IL1RAPL2: variants seen among roughly 807,000 people sequenced by gnomAD.
IL1RAPL2 encodes the protein X-linked interleukin-1 receptor accessory protein-like 2.
IL1RAPL2 carries 3 observed loss-of-function variants against 44.1 expected under a neutral mutation model. That is an observed-to-expected ratio of 0.07 (90% CI 0.03 to 0.18). The LOEUF is 0.18. Ranked by LOEUF, IL1RAPL2 falls within the 10% of genes least tolerant of loss-of-function variation. IL1RAPL2 has a pLI of 1.00. For synonymous variants in IL1RAPL2, 181 were observed against 178.8 expected (o/e 1.01, Z -0.10); for missense variants, 391 against 496.4 (o/e 0.79, Z 2.02).
chrX:105,507,656 T>C (rs1252808760), intron 6 of IL1RAPL2, among the ~76,000 whole-genome samples: 2 of 111,811 alleles, frequency 1.8e-5, no homozygotes. Context: ...TAGTGCTACA[T>C]TTATCAATCC....
At chrX:105,725,260 GT>G (rs1351505479) in intron 7 of IL1RAPL2, among the ~76,000 whole-genome samples, 1 of 111,525 alleles carries the variant, frequency 9.0e-6, no homozygotes, top group African/African-American at 3.3e-5. Flanking sequence ...CTATAAAACA[GT>G]TTACCAAATC....
intron 7 of IL1RAPL2, among the ~76,000 whole-genome samples, chrX:105,727,656 A>G (rs1051423778): frequency 5.4e-5 from 6 of 111,599 alleles, no homozygotes; most frequent in African/African-American, 1.6e-4. Context: ...GCCTGCTAAT[A>G]AAGTATTTAC....
At chrX:105,373,952 C>T (rs2035364853) in intron 5 of IL1RAPL2, among the ~76,000 whole-genome samples, 1 of 108,888 alleles carries the variant, frequency 9.2e-6, no homozygotes, top group African/African-American at 3.4e-5. Context: ...AACCCCGTCT[C>T]TACTAAAAAT....
At chrX:104,655,084 G>A (rs1156361131) in intron 1 of IL1RAPL2, among the ~76,000 whole-genome samples, 1 of 111,611 alleles carries the variant, frequency 9.0e-6, no homozygotes, top group African/African-American at 3.3e-5. Flanking sequence ...CTGAGATGAT[G>A]GGGTTTTCTA....
chrX:104,912,444 C>T (rs7054264), intron 2 of IL1RAPL2, among the ~76,000 whole-genome samples: 2,048 of 110,546 alleles, frequency 0.019, 48 homozygotes, highest in African/African-American at 0.063. Flanking sequence ...GCAATCCCAT[C>T]CTCTCCCTGG....
Position 105,554,067 on chromosome X carries a change from C to G in IL1RAPL2, c.772+69680C>G, listed in dbSNP as rs72618304. On this transcript the variant is annotated intron_variant, in intron 6 of 10. Coordinates refer to ENST00000372582, the MANE Select transcript of IL1RAPL2 (RefSeq NM_017416.2). ...TGTCTTACCTCTCCTCTTTGTAACA[C>G]ATTACTTGGAGCTGCCCCACACTCC... Among the ~76,000 whole-genome samples the G allele has an allele frequency of 1.1e-3, 122 of 112,787 alleles. 1 individual carries two copies. The East Asian group carries it at 0.03, about 28-fold the overall frequency.
At chrX:105,050,829 G>GA (rs1382633956) in intron 2 of IL1RAPL2, among the ~76,000 whole-genome samples, 15 of 112,512 alleles carry the variant, frequency 1.3e-4, no homozygotes, top group African/African-American at 4.8e-4. Context: ...AGGCCCTGGA[G>GA]AGGGTGGCTT....
At chrX:105,010,117 G>A (rs2031023943) in intron 2 of IL1RAPL2, among the ~76,000 whole-genome samples, 1 of 111,198 alleles carries the variant, frequency 9.0e-6, no homozygotes, top group Non-Finnish European at 1.9e-5. Flanking sequence ...TTTAAAAGCA[G>A]GTAGGGCTCA....
At chrX:105,100,617 G>A (rs1321817344) in intron 2 of IL1RAPL2, among the ~76,000 whole-genome samples, 2 of 111,880 alleles carry the variant, frequency 1.8e-5, no homozygotes, top group Non-Finnish European at 1.9e-5. Flanking sequence ...TGATAATGAT[G>A]ATCAAGAACA....
intron 3 of IL1RAPL2, among the ~76,000 whole-genome samples, chrX:105,215,259 A>G (rs1210833270): frequency 8.9e-6 from 1 of 112,180 alleles, no homozygotes; most frequent in African/African-American, 3.2e-5. Context: ...TAGACACAAT[A>G]AAAAATGATA....
chrX:105,617,147 T>C (rs143016086), intron 6 of IL1RAPL2, among the ~76,000 whole-genome samples: 105 of 111,540 alleles, frequency 9.4e-4, no homozygotes, highest in Middle Eastern at 4.6e-3. Flanking sequence ...TTGCAAATGT[T>C]TGTCTTTGGG....
At chrX:104,800,536 C>A (rs901999507) in intron 2 of IL1RAPL2, among the ~76,000 whole-genome samples, 15 of 112,000 alleles carry the variant, frequency 1.3e-4, no homozygotes, top group African/African-American at 4.9e-4. Flanking sequence ...ATGTACAATT[C>A]ATTTCCAATC....
intron 2 of IL1RAPL2, among the ~76,000 whole-genome samples, chrX:105,159,402 C>T (rs7884353): frequency 0.065 from 7,216 of 111,711 alleles, 578 homozygotes; most frequent in African/African-American, 0.22. Context: ...AGAAGTCTTT[C>T]CCCACCTCCT....
intron 2 of IL1RAPL2, among the ~76,000 whole-genome samples, chrX:105,067,152 G>C (rs1261867844): frequency 1.8e-5 from 2 of 111,937 alleles, no homozygotes; most frequent in Admixed American, 1.9e-4. Context: ...TAGGCTGGTT[G>C]TTCTTAACTG....
At chrX:104,713,047 T>A (rs996241023) in intron 2 of IL1RAPL2, among the ~76,000 whole-genome samples, 1 of 111,040 alleles carries the variant, frequency 9.0e-6, no homozygotes, top group African/African-American at 3.3e-5. Context: ...AATGCTGGTG[T>A]TTTAGGAGAC....
intron 2 of IL1RAPL2, among the ~76,000 whole-genome samples, chrX:105,149,776 A>G (rs762447649): frequency 7.2e-5 from 8 of 110,473 alleles, no homozygotes; most frequent in Non-Finnish European, 5.7e-5. Context: ...GGAGATTGCA[A>G]TGAGCCAAGA....
chrX:105,670,131 ATATATATATATATAT>A lies in IL1RAPL2; in HGVS notation c.773-47235_773-47221del, dbSNP rs1433964218. Among the ~76,000 whole-genome samples, 42 of 50,496 alleles carry A rather than the reference ATATATATATATATAT, an allele frequency of 8.3e-4. 3 individuals are homozygous for A. The highest frequency in any genetic ancestry group is 0.011 in the Middle Eastern group (1 of 94). 43.8% of individuals were successfully genotyped at this position (50,496 alleles called of 115,157 possible). On this transcript the variant is annotated intron_variant, in intron 6 of 10. Coordinates refer to ENST00000372582, the MANE Select transcript of IL1RAPL2 (RefSeq NM_017416.2). The stretch of plus-strand genomic sequence containing the variant: ...TATATATATATATATATATATATAT[ATATATATATATATAT>A]ATCTCCACCAGACCACACAGTCTTG...
chrX:105,150,686 C>T (rs754973261), intron 2 of IL1RAPL2, among the ~76,000 whole-genome samples: 3 of 111,781 alleles, frequency 2.7e-5, no homozygotes, highest in Non-Finnish European at 3.8e-5. Context: ...TGTGTATAAA[C>T]GGCTCAGGCT....
intron 6 of IL1RAPL2, among the ~76,000 whole-genome samples, chrX:105,698,661 T>C (rs776048578): frequency 1.1e-4 from 12 of 112,120 alleles, no homozygotes; most frequent in African/African-American, 3.2e-4. Flanking sequence ...CCTTAAGTGA[T>C]TGGCAACAGA....
Sources: gnomAD v4.1 joint callset for allele counts (sites outside exome capture counted in the v4.1 genomes callset) on GRCh38, gnomAD v4.1.1 for gene constraint, MANE v1.5 for transcripts, NCBI Gene and HGNC (gene_info 2026-07-23, HGNC 2026-07-21) for gene names.